POGZ: variants seen among roughly 807,000 people sequenced by gnomAD.
POGZ encodes the protein pogo transposable element with ZNF domain.
In POGZ, 17 loss-of-function variants were observed where a neutral mutation model predicts 134.6. The observed-to-expected ratio is 0.13, with a 90% CI of 0.09 to 0.19. POGZ has a LOEUF of 0.19. Among genes scored for constraint, POGZ ranks in the 10% least tolerant of loss-of-function variants. POGZ has a pLI of 1.00. For synonymous variants in POGZ, 693 were observed against 657.1 expected, an observed-to-expected ratio of 1.05 and a Z score of -0.84; for missense variants, 1,306 against 1,769.7, an observed-to-expected ratio of 0.74 and a Z score of 4.70.
intron 3 of POGZ, among the ~76,000 whole-genome samples, chr1:151,436,429 T>C (rs1244456949): frequency 6.6e-6 from 1 of 152,056 alleles, no homozygotes; most frequent in Non-Finnish European, 1.5e-5. Flanking sequence ...TGTGACCTTT[T>C]GTGTCTGGCT....
At chr1:151,434,219 A>G (rs1659203838) in intron 3 of POGZ, among the ~76,000 whole-genome samples, 1 of 152,212 alleles carries the variant, frequency 6.6e-6, no homozygotes, top group African/African-American at 2.4e-5. Context: ...CTGAGGCATG[A>G]CAATTGCTTG....
At chr1:151,447,053 T>C (rs1318418955) in intron 1 of POGZ, among the ~76,000 whole-genome samples, 1 of 152,144 alleles carries the variant, frequency 6.6e-6, no homozygotes, top group African/African-American at 2.4e-5. Context: ...TTTTGGTATG[T>C]AGGTCTAAAA....
At chr1:151,450,613 A>G (rs761941554) in intron 1 of POGZ, among the ~76,000 whole-genome samples, 31 of 152,152 alleles carry the variant, frequency 2.0e-4, no homozygotes, top group Non-Finnish European at 4.3e-4. Flanking sequence ...TTGGTCTCCC[A>G]AAGTGCTGGG....
rs752869474 is a variant in POGZ, at chr1:151,407,273, C to T, written c.2394G>A (p.Lys798=). 2.5e-5 allele frequency: 41 copies of T among 1,610,248 alleles called. No individual in the cohort carries two copies. The highest frequency in any genetic ancestry group is 3.4e-5 in the Non-Finnish European group (40 of 1,178,366). Residue 798 remains lysine (K), a synonymous_variant, in exon 16 of 19, where the codon AAG becomes AAA. Transcript: ENST00000271715. ...TAAACAAAGCCAAATACTTGGGGCT[C>T]TTCCGTGGAACATGATTGCTGAGAA... ...NHMINNHVPR[K]SPKYLALFKN... is the part of the protein sequence containing the mutation.
intron 1 of POGZ, among the ~76,000 whole-genome samples, chr1:151,458,142 T>A (rs571068493): frequency 6.6e-6 from 1 of 152,190 alleles, no homozygotes; most frequent in South Asian, 2.1e-4. Context: ...GAACTAAGAA[T>A]GTCTAAGACA....
At chr1:151,409,094 T>C (rs1654189322) in intron 12 of POGZ, among the ~76,000 whole-genome samples, 1 of 152,196 alleles carries the variant, frequency 6.6e-6, no homozygotes, top group African/African-American at 2.4e-5. Flanking sequence ...GTTTTAACAA[T>C]TTGAATGAGT....
Position 151,427,891 on chromosome 1 carries a change from A to G in POGZ, c.1010T>C (p.Val337Ala), listed in dbSNP as rs2102293814. The G allele has an allele frequency of 2.5e-6, 4 of 1,614,060 alleles. No individual in the cohort carries two copies. Among genetic ancestry groups the G allele is most frequent in the Non-Finnish European group, 3.4e-6 (4 of 1,179,944 alleles). ...AGCAGAGCTGTTGTTGGACACCACC[A>G]CTGGCCCAGGACTCTGGCCCAGGGA... ...IPSLGQSPGP[V>A]VVSNNSSAHG... is the part of the protein sequence containing the mutation. The change falls in exon 7 of 19, where the codon GTG becomes GCG. Residue 337 changes from valine (V) to alanine (A), a missense_variant. Val to Ala is a moderately conservative substitution (Grantham distance 64). Coordinates refer to ENST00000271715, the MANE Select transcript of POGZ (RefSeq NM_015100.4).
At chr1:151,416,987 T>C (rs1655843459) in intron 10 of POGZ, among the ~76,000 whole-genome samples, 1 of 152,118 alleles carries the variant, frequency 6.6e-6, no homozygotes, top group African/African-American at 2.4e-5. Context: ...GATCCACTGA[T>C]ATTCTGGGGA....
intron 15 of POGZ, 51 bp downstream of exon 15, chr1:151,408,049 A>G (rs1653998474): frequency 6.8e-7 from 1 of 1,471,732 alleles, no homozygotes; most frequent in South Asian, 1.3e-5. Context: ...AAGAAGAAGA[A>G]AAAAAGAATC....
chr1:151,435,123 C>G (rs1320588432), intron 3 of POGZ, among the ~76,000 whole-genome samples: 2 of 152,286 alleles, frequency 1.3e-5, no homozygotes, highest in East Asian at 1.9e-4. Context: ...TAGTCTCAAA[C>G]TTCTGACCTC....
At chr1:151,436,629 T>C (rs1659638572) in intron 3 of POGZ, among the ~76,000 whole-genome samples, 1 of 152,132 alleles carries the variant, frequency 6.6e-6, no homozygotes, top group Non-Finnish European at 1.5e-5. Context: ...GTCTGGCTTC[T>C]TTCTCAGCAT....
chr1:151,412,192 A>G, intron 11 of POGZ, 104 bp downstream of exon 11: 1 of 645,668 alleles, frequency 1.5e-6, no homozygotes, highest in Non-Finnish European at 2.8e-6. Flanking sequence ...CAGAGTTCCT[A>G]AACTGAGTGT....
intron 10 of POGZ, among the ~76,000 whole-genome samples, chr1:151,416,079 A>G (rs1257031689): frequency 6.6e-6 from 1 of 150,798 alleles, no homozygotes; most frequent in Non-Finnish European, 1.5e-5. Context: ...GTGGTGGTGC[A>G]CGCCTGTAAT....
Position 151,412,347 on chromosome 1 carries a change from G to C in POGZ, c.1728C>G (p.Leu576=), listed in dbSNP as rs370983659. The change falls in exon 11 of 19, where the codon CTC becomes CTG. Residue 576 remains leucine, a synonymous_variant. Transcript: ENST00000271715. ...GCTTATGAGTATCCTTCATATGCTG[G>C]AGAAATAGTGGCTCACTTTCAAACG... The part of the protein sequence containing the change: ...EWAFESEPLF[L]QHMKDTHKPG... The C allele has an allele frequency of 1.3e-5, 21 of 1,610,962 alleles. No individual in the cohort carries two copies. Among genetic ancestry groups the C allele is most frequent in the Non-Finnish European group, 1.0e-5 (12 of 1,177,582 alleles).
intron 1 of POGZ, among the ~76,000 whole-genome samples, chr1:151,458,238 C>T (rs763393141): frequency 7.9e-5 from 12 of 152,082 alleles, no homozygotes; most frequent in Non-Finnish European, 8.8e-5. Context: ...ACAAATAGAT[C>T]AATGACAGTA....
chr1:151,458,716 C>T (rs911754726), intron 1 of POGZ, among the ~76,000 whole-genome samples: 1 of 145,606 alleles, frequency 6.9e-6, no homozygotes, highest in Non-Finnish European at 1.5e-5. Context: ...CCCAGCGGGC[C>T]ACCGCCCGCG....
In POGZ at chr1:151,442,791, T is replaced by C. The variant is rs534948331; in HGVS notation, c.-1-586A>G. On this transcript the variant is annotated intron_variant, in intron 1 of 18. Transcript: ENST00000271715. ...TATGCTTGTAATCCCGGCATTTTGG[T>C]AGGCTGAAGTGGGTGGATCACGAGG... Among the ~76,000 whole-genome samples the C allele has an allele frequency of 9.3e-5, 14 of 151,032 alleles. No individual in the cohort carries two copies. The South Asian group carries it at 1.5e-3, about 16-fold the overall frequency.
intron 1 of POGZ, among the ~76,000 whole-genome samples, chr1:151,442,812 C>T (rs1221002406): frequency 1.3e-5 from 2 of 151,450 alleles, no homozygotes; most frequent in Admixed American, 6.6e-5. Flanking sequence ...GGGTGGATCA[C>T]GAGGTCACGA....
chr1:151,418,039 C>T (rs1656090694), intron 10 of POGZ, among the ~76,000 whole-genome samples: 1 of 151,796 alleles, frequency 6.6e-6, no homozygotes, highest in African/African-American at 2.4e-5. Context: ...ATGGTAAAAC[C>T]CCGTCTCCAC....
Sources: allele counts gnomAD v4.1 joint callset (sites outside exome capture counted in the v4.1 genomes callset), GRCh38; gene constraint gnomAD v4.1.1; transcripts MANE v1.5; gene names NCBI Gene and HGNC (gene_info 2026-07-23, HGNC 2026-07-21).